The following KDM5C variants were observed in gnomAD, a reference collection of about 807,000 sequenced individuals.
The protein encoded by KDM5C is lysine-specific demethylase 5C.
In KDM5C, 16 loss-of-function variants were observed where a neutral mutation model predicts 110.6. The observed-to-expected ratio is 0.14, with a 90% confidence interval of 0.10 to 0.22. The LOEUF is 0.22. KDM5C is among the 10% of genes least tolerant of loss of function. The pLI is 1.00. For synonymous variants in KDM5C, 511 were observed against 520.4 expected (o/e 0.98, Z 0.24); for missense variants, 681 against 1,300.9 (o/e 0.52, Z 7.33).
chrX:53,209,847 G>A (rs1375097640), intron 12 of KDM5C, among the ~76,000 whole-genome samples: 2 of 112,110 alleles, frequency 1.8e-5, no homozygotes, highest in African/African-American at 6.5e-5. Context: ...CAGAACTCTG[G>A]GTTCAACTTT....
At chrX:53,216,293 C>T in intron 5 of KDM5C, 96 bp from the exon 6 acceptor site, 2 of 1,133,427 alleles carry the variant, frequency 1.8e-6, no homozygotes, top group Non-Finnish European at 2.4e-6. Context: ...CACCTGATCT[C>T]ATGCTGAGGG....
Position 53,192,869 on chromosome X carries a change from A to AACCCCCC in KDM5C, c.*97_*98insGGGGGGT. On this transcript the variant is annotated 3_prime_UTR_variant, in exon 26 of 26. Coordinates refer to ENST00000375401, the MANE Select transcript of KDM5C (RefSeq NM_004187.5). ...GGGTAGCAGGGATGGCCACCCCCCTACCCGCCCACCCCCCAAGAAGCAGGC... is the reference window on the plus strand; with the variant it reads ...GGGTAGCAGGGATGGCCACCCCCCTAACCCCCCCCCGCCCACCCCCCAAGAAGCAGGC... 3 of 179,870 alleles carry AACCCCCC rather than the reference A, an allele frequency of 1.7e-5. No individual in the cohort carries two copies. Among genetic ancestry groups the AACCCCCC allele is most frequent in the Non-Finnish European group, 2.7e-5 (3 of 112,540 alleles). 14.8% of individuals were successfully genotyped at this position (179,870 alleles called of 1,213,427 possible).
Position 53,192,881 on chromosome X carries a change from C to CCCCCCCCCAA in KDM5C, c.*85_*86insTTGGGGGGGG. On this transcript the variant is annotated 3_prime_UTR_variant, in exon 26 of 26. Coordinates refer to ENST00000375401, the MANE Select transcript of KDM5C (RefSeq NM_004187.5). The stretch of plus-strand genomic sequence containing the variant: ...TGGCCACCCCCCTACCCGCCCACCC[C>CCCCCCCCCAA]CCAAGAAGCAGGCTTGATGGTCAGA... The CCCCCCCCCAA allele has an allele frequency of 1.9e-6, 2 of 1,054,424 alleles. No homozygotes were observed. The highest frequency in any genetic ancestry group is 1.2e-6 in the Non-Finnish European group (1 of 802,808). 86.9% of individuals were successfully genotyped at this position (1,054,424 alleles called of 1,213,427 possible).
chrX:53,207,209 T>C (rs1190466628), intron 12 of KDM5C, among the ~76,000 whole-genome samples: 7 of 104,210 alleles, frequency 6.7e-5, no homozygotes, highest in African/African-American at 2.4e-4. Context: ...AAATCTTTAG[T>C]AGCCACATTA....
chrX:53,188,695 G>A (rs1353107555), downstream of KDM5C, among the ~76,000 whole-genome samples: 2 of 111,193 alleles, frequency 1.8e-5, no homozygotes, highest in Non-Finnish European at 3.8e-5. Flanking sequence ...TACTTCTAAC[G>A]AATAGAATAT....
At position 53,214,839 on chromosome X, in the gene KDM5C, T is replaced by C; in HGVS notation, c.972A>G (p.Ser324=). ...CTCGAGAACACATCCGGCAGACATA[T>C]GACTCAATCTGCCAGGGGAGAAGAG... The part of the protein sequence containing the change: ...RNHSNAQFIE[S]YVCRMCSRGD... Residue 324 remains serine, a synonymous_variant, in exon 8 of 26, where the codon TCA becomes TCG. Transcript: ENST00000375401. 8.3e-7 allele frequency: 1 copy of C among 1,211,364 alleles called. No individual in the cohort carries two copies. Among genetic ancestry groups the C allele is most frequent in the Non-Finnish European group, 1.1e-6 (1 of 895,293 alleles).
intron 1 of KDM5C, among the ~76,000 whole-genome samples, chrX:53,224,011 G>A (rs2073965257): frequency 8.9e-6 from 1 of 112,421 alleles, no homozygotes; most frequent in Non-Finnish European, 1.9e-5. Flanking sequence ...CAATCCCTGT[G>A]AGACTGATTT....
At chrX:53,209,873 A>T (rs781952711) in intron 12 of KDM5C, among the ~76,000 whole-genome samples, 7 of 112,672 alleles carry the variant, frequency 6.2e-5, no homozygotes, top group African/African-American at 2.3e-4. Flanking sequence ...TGTTAAATAA[A>T]AAGACCTATC....
rs1178792251 is a variant in KDM5C at position 53,192,926 on chromosome X, A to AG, written c.*40dup. On this transcript the variant is annotated 3_prime_UTR_variant, in exon 26 of 26. Transcript: ENST00000375401. ...GTCAGAAAGAGGATCCTTGAGGCCG[A>AG]GGGGGGTCTCTGTCAGGGTCTGTGC... The AG allele has an allele frequency of 7.3e-6, 7 of 962,448 alleles. No individual in the cohort carries two copies. Among genetic ancestry groups the AG allele is most frequent in the East Asian group, 5.8e-5 (1 of 17,153 alleles). The allele number at this position is 962,448 out of a possible 1,213,427, so 79.3% of individuals were successfully genotyped here. A position where few individuals can be genotyped will look rare whatever the true frequency, so the allele number is the denominator to read the frequency against.
In KDM5C at chrX:53,192,251, T is replaced by C. The variant is rs1401671544; in HGVS notation, c.*716A>G. On this transcript the variant is annotated 3_prime_UTR_variant, in exon 26 of 26. Coordinates refer to ENST00000375401, the MANE Select transcript of KDM5C (RefSeq NM_004187.5). ...GCTTCAGTTGGAACCAAGTTTCTTG[T>C]TTTGCTTTTTTTTTTCTTTTGAACA... 1.7e-5 allele frequency: 3 copies of C among 171,849 alleles called. No homozygotes were observed. Among genetic ancestry groups the C allele is most frequent in the African/African-American group, 9.1e-5 (3 of 32,856 alleles). 14.2% of individuals were successfully genotyped at this position (171,849 alleles called of 1,213,427 possible). A position where few individuals can be genotyped will look rare whatever the true frequency, so the allele number is the denominator to read the frequency against.
At chrX:53,195,794 C>T in intron 20 of KDM5C, 122 bp downstream of exon 20, 1 of 745,725 alleles carries the variant, frequency 1.3e-6, no homozygotes, top group Non-Finnish European at 2.0e-6. Context: ...TGACTACATG[C>T]CATGCCCCCT....
chrX:53,224,947 T>C lies in KDM5C; in HGVS notation c.-58A>G, dbSNP rs1556856291. On this transcript the variant is annotated 5_prime_UTR_variant, in exon 1 of 26. The change abolishes an upstream ATG in the 5' untranslated region. Coordinates refer to ENST00000375401, the MANE Select transcript of KDM5C (RefSeq NM_004187.5). ...GGCTTGGACCGCCCTTAAGGACTCA[T>C]GGCGCCGCCGCTGTTTGAAGCCGAG... 8.9e-7 allele frequency: 1 copy of C among 1,123,727 alleles called. No homozygotes were observed. The allele number at this position is 1,123,727 out of a possible 1,213,427, so 92.6% of individuals were successfully genotyped here. A position where few individuals can be genotyped will look rare whatever the true frequency, so the allele number is the denominator to read the frequency against.
chrX:53,195,486 CT>C, intron 20 of KDM5C, 76 bp from the exon 21 acceptor site: 2 of 979,696 alleles, frequency 2.0e-6, no homozygotes, highest in Non-Finnish European at 2.9e-6. Flanking sequence ...TGGCCCTGAG[CT>C]GGAAAGATGA....
chrX:53,192,644 G>T lies in KDM5C; in HGVS notation c.*323C>A. 1 of 942,148 alleles carries T rather than the reference G, an allele frequency of 1.1e-6. No individual in the cohort carries two copies. Among genetic ancestry groups the T allele is most frequent in the Non-Finnish European group, 1.5e-6 (1 of 674,010 alleles). 77.6% of individuals were successfully genotyped at this position (942,148 alleles called of 1,213,427 possible). A position where few individuals can be genotyped will look rare whatever the true frequency, so the allele number is the denominator to read the frequency against. On this transcript the variant is annotated 3_prime_UTR_variant, in exon 26 of 26. Coordinates refer to ENST00000375401, the MANE Select transcript of KDM5C (RefSeq NM_004187.5). ...AGTCCCCCAGTTTGCATATACACTG[G>T]CCTTGTCTCTGGAATGGTGATGGCC...
In KDM5C at chrX:53,195,802, C is replaced by T; in HGVS notation, c.3120+114G>A. ...TGCCTCCTGACTACATGCCATGCCC[C>T]CTTCCTCTCTCCAGCCAACCCAACC... On this transcript the variant is annotated intron_variant, in intron 20 of 25. Transcript: ENST00000375401. The T allele has an allele frequency of 1.1e-5, 9 of 818,627 alleles. No homozygotes were observed. The South Asian group carries it at 2.1e-4, about 19-fold the overall frequency. The allele number at this position is 818,627 out of a possible 1,213,427, so 67.5% of individuals were successfully genotyped here.
Position 53,192,858 on chromosome X carries a change from G to GGCCCCCCCC in KDM5C, c.*108_*109insGGGGGGGGC. 1 of 728,432 alleles carries GGCCCCCCCC rather than the reference G, an allele frequency of 1.4e-6. No individual in the cohort carries two copies. 60.0% of individuals were successfully genotyped at this position (728,432 alleles called of 1,213,427 possible). ...CAGGGGTGGGCGGGTAGCAGGGATG[G>GGCCCCCCCC]CCACCCCCCTACCCGCCCACCCCCC... On this transcript the variant is annotated 3_prime_UTR_variant, in exon 26 of 26. Coordinates refer to ENST00000375401, the MANE Select transcript of KDM5C (RefSeq NM_004187.5).
At chrX:53,214,957 C>A in intron 7 of KDM5C, 110 bp from the exon 8 acceptor site, 1 of 807,196 alleles carries the variant, frequency 1.2e-6, no homozygotes, top group Non-Finnish European at 1.8e-6. Flanking sequence ...AGCTCAACTG[C>A]ACGTATGTAC....
chrX:53,197,270 G>A (rs1444670336), intron 18 of KDM5C, among the ~76,000 whole-genome samples: 2 of 111,435 alleles, frequency 1.8e-5, no homozygotes, highest in African/African-American at 6.5e-5. Context: ...AGATTCCTGG[G>A]CCCCACCCTG....
chrX:53,177,856 T>A (rs1933922353), intron 25 of KDM5C, among the ~76,000 whole-genome samples: 1 of 111,865 alleles, frequency 8.9e-6, no homozygotes, highest in African/African-American at 3.2e-5. Context: ...GATCAAAATG[T>A]TTGAAGAAAA....
Sources: allele counts gnomAD v4.1 joint callset (sites outside exome capture counted in the v4.1 genomes callset), GRCh38; gene constraint gnomAD v4.1.1; transcripts MANE v1.5; gene names NCBI Gene and HGNC (gene_info 2026-07-23, HGNC 2026-07-21).